The following FERMT3 variants were observed in gnomAD, a reference collection of about 807,000 sequenced individuals.
FERMT3 encodes the protein FERM domain containing kindlin 3.
FERMT3 carries 33 observed loss-of-function variants against 80.8 expected under a neutral mutation model. The observed-to-expected ratio is 0.41, with a 90% CI of 0.31 to 0.55. FERMT3 has a LOEUF of 0.55. FERMT3 is among the 20% of genes least tolerant of loss of function. FERMT3 has a pLI of 0.31. For missense variants in FERMT3, 754 were observed against 908.7 expected (o/e 0.83, Z 2.19); for synonymous variants, 375 against 372.2 (o/e 1.01, Z -0.09).
rs1946648400 is a variant in FERMT3, at chr11:64,220,214, C to T, written c.1205-6C>T. 2 of 1,613,614 alleles carry T rather than the reference C, an allele frequency of 1.2e-6. No individual in the cohort carries two copies. Among genetic ancestry groups the T allele is most frequent in the East Asian group, 2.2e-5 (1 of 44,882 alleles). ...ACCTCCTAGACCACCCCTTCTCTCC[C>T]TCCAGGCTGTGAGGTGGTTCCCGAT... is the stretch of plus-strand genomic sequence containing the variant. On this transcript the variant is annotated splice_polypyrimidine_tract_variant and splice_region_variant and intron_variant, in intron 10 of 14. Coordinates refer to ENST00000345728, the MANE Select transcript of FERMT3 (RefSeq NM_031471.6).
rs755793484 is a variant in FERMT3 at position 64,220,333 on chromosome 11, G to A, written c.1311+7G>A. 18 of 1,613,150 alleles carry A rather than the reference G, an allele frequency of 1.1e-5. No individual in the cohort carries two copies. In the East Asian group the frequency reaches 2.2e-4, roughly 20 times the overall value. On this transcript the variant is annotated splice_region_variant and intron_variant, in intron 11 of 14. Coordinates refer to ENST00000345728, the MANE Select transcript of FERMT3 (RefSeq NM_031471.6). ...CTACCTGCGGTGCCAGGATGTGAGT[G>A]AGGGCTGGGCAGGGGCCAGGGCCGG...
Position 64,210,547 on chromosome 11 carries a change from T to G in FERMT3, c.161-64T>G. ...GCCCCAGGCTTCTGAATCCTGGGGT[T>G]GTGCTGGGTGTTGGGGGCACCAGGG... On this transcript the variant is annotated intron_variant, in intron 2 of 14. Transcript: ENST00000345728. This position sits in a 1 kb window ranked among gnomAD's most constrained non-coding sequence, Gnocchi z 4.3. The G allele has an allele frequency of 6.6e-7, 1 of 1,517,164 alleles. No individual in the cohort carries two copies. Among genetic ancestry groups the G allele is most frequent in the Non-Finnish European group, 9.1e-7 (1 of 1,094,244 alleles). The allele number at this position is 1,517,164 out of a possible 1,614,324, so 94.0% of individuals were successfully genotyped here. A position where few individuals can be genotyped will look rare whatever the true frequency, so the allele number is the denominator to read the frequency against.
In FERMT3 at chr11:64,211,669, C is replaced by T. The variant is rs749769689; in HGVS notation, c.708C>T (p.Leu236=). The T allele has an allele frequency of 2.5e-6, 4 of 1,614,034 alleles. No individual in the cohort carries two copies. In the African/African-American group the frequency reaches 4.0e-5, roughly 16 times the overall value. The part of the protein sequence containing the change: ...HSRWLDSSRC[L]MQQGIKAGDA... ...GGTGGCTGGACTCGTCGCGGTGTCT[C>T]ATGCAGCAGGGCATCAAGGCCGGGG... Residue 236 remains leucine, a synonymous_variant, in exon 6 of 15, where the codon CTC becomes CTT. Transcript: ENST00000345728. The surrounding 1 kb of genome is among the most constrained non-coding windows in gnomAD (Gnocchi z 4.7).
In FERMT3 at chr11:64,211,871, C is replaced by A; in HGVS notation, c.786+124C>A. ...CTGTCCGTCTGCCCGTTTGTCCATC[C>A]ACACCTTTGTTTACTGACCCCACAA... is the stretch of plus-strand genomic sequence containing the variant. On this transcript the variant is annotated intron_variant, in intron 6 of 14. Transcript: ENST00000345728. The surrounding 1 kb of genome is among the most constrained non-coding windows in gnomAD (Gnocchi z 4.7). 1.1e-6 allele frequency: 1 copy of A among 928,636 alleles called. No homozygotes were observed. Among genetic ancestry groups the A allele is most frequent in the Non-Finnish European group, 1.7e-6 (1 of 584,964 alleles). The allele number at this position is 928,636 out of a possible 1,614,324, so 57.5% of individuals were successfully genotyped here.
At chr11:64,207,876 G>A (rs1351635953) in intron 2 of FERMT3, 4 of 207,592 alleles carry the variant, frequency 1.9e-5, no homozygotes, top group Non-Finnish European at 3.9e-5. Context: ...CTGCCCCCAC[G>A]CTCCCTCCCC....
rs773751249 is a variant in FERMT3, at chr11:64,219,680, G to A, written c.1029+22G>A. On this transcript the variant is annotated intron_variant, in intron 8 of 14. Coordinates refer to ENST00000345728, the MANE Select transcript of FERMT3 (RefSeq NM_031471.6). This position sits in a 1 kb window ranked among gnomAD's most constrained non-coding sequence, Gnocchi z 4.0. ...GCTGGTGAGGAGGGGCTCAGGGCAG[G>A]GGCTGGGCAGGGAGAACTGTGAGGT... 2.5e-6 allele frequency: 4 copies of A among 1,613,872 alleles called. No individual in the cohort carries two copies. The highest frequency in any genetic ancestry group is 3.4e-6 in the Non-Finnish European group (4 of 1,180,000).
At chr11:64,221,280 C>A in intron 13 of FERMT3, 140 bp downstream of exon 13, 1 of 813,016 alleles carries the variant, frequency 1.2e-6, no homozygotes. Context: ...GTAAGCAGGC[C>A]TTACTGAGGG....
intron 6 of FERMT3, among the ~76,000 whole-genome samples, chr11:64,218,063 G>A (rs1311357953): frequency 6.7e-6 from 1 of 148,894 alleles, no homozygotes; most frequent in Non-Finnish European, 1.5e-5. Context: ...GAGTGCAGTG[G>A]CACGATCTCG....
chr11:64,223,222 A>G (rs780077956), intron 14 of FERMT3, 33 bp downstream of exon 14: 1 of 1,613,394 alleles, frequency 6.2e-7, no homozygotes, highest in Admixed American at 1.7e-5. Flanking sequence ...TGGATGGGGG[A>G]CAGGTGCAGG....
chr11:64,223,324 G>A lies in FERMT3; in HGVS notation c.1824G>A (p.Glu608=). The change falls in exon 15 of 15, where the codon GAG becomes GAA. Residue 608 remains glutamate (E), a synonymous_variant. Coordinates refer to ENST00000345728, the MANE Select transcript of FERMT3 (RefSeq NM_031471.6). ...VNWDIRQVAI[E]FDEHINVAFS... ...TGTCTGCCCTTCAGGTGGCCATCGA[G>A]TTTGATGAACACATCAATGTGGCCT... 6.2e-7 allele frequency: 1 copy of A among 1,614,048 alleles called. No individual in the cohort carries two copies. The highest frequency in any genetic ancestry group is 2.2e-5 in the East Asian group (1 of 44,888).
intron 6 of FERMT3, among the ~76,000 whole-genome samples, chr11:64,212,720 G>A (rs1312302632): frequency 6.6e-6 from 1 of 151,686 alleles, no homozygotes; most frequent in Non-Finnish European, 1.5e-5. Context: ...ATGGCCTCTC[G>A]GTGTTGGTGA....
chr11:64,217,643 C>T lies in FERMT3; in HGVS notation c.787-1608C>T, dbSNP rs182514450. ...AAATGCAGGGGTGCATCTGGCTCAGCATCTCCAGAGAGTGAGTCCCAGCTT... is the reference window on the plus strand; with the variant it reads ...AAATGCAGGGGTGCATCTGGCTCAGTATCTCCAGAGAGTGAGTCCCAGCTT... On this transcript the variant is annotated intron_variant, in intron 6 of 14. Coordinates refer to ENST00000345728, the MANE Select transcript of FERMT3 (RefSeq NM_031471.6). Among the ~76,000 whole-genome samples, 26 of 152,334 alleles carry T rather than the reference C, an allele frequency of 1.7e-4. No homozygotes were observed. The East Asian group carries it at 3.3e-3, about 19-fold the overall frequency.
intron 13 of FERMT3, among the ~76,000 whole-genome samples, chr11:64,221,914 G>A (rs565380576): frequency 6.6e-6 from 1 of 151,490 alleles, no homozygotes; most frequent in East Asian, 1.9e-4. Flanking sequence ...GTGACAGAGC[G>A]AAACTCTGCC....
At chr11:64,207,678 A>C in intron 2 of FERMT3, 154 bp downstream of exon 2, 6 of 927,912 alleles carry the variant, frequency 6.5e-6, no homozygotes, top group South Asian at 3.7e-5. Flanking sequence ...CAAAAAAGAC[A>C]TTTCCCCAAC....
Position 64,207,520 on chromosome 11 carries a change from G to C in FERMT3, c.156G>C (p.Gln52His), listed in dbSNP as rs751379709. 2 of 1,604,516 alleles carry C rather than the reference G, an allele frequency of 1.2e-6. No homozygotes were observed. Among genetic ancestry groups the C allele is most frequent in the South Asian group, 2.2e-5 (2 of 90,536 alleles). Reference sequence around the variant, plus strand: ...GGGTGCTCCTGAAGATTGTGGAGCAGATCAGTGAGTGTCCGCTGCCCGCTT... The same window carrying C: ...GGGTGCTCCTGAAGATTGTGGAGCACATCAGTGAGTGTCCGCTGCCCGCTT... ...IGGVLLKIVEQINRKQDWSDH... is the reference protein window; with the variant it reads ...IGGVLLKIVEHINRKQDWSDH... The change falls in exon 2 of 15, where the codon CAG becomes CAC. Residue 52 changes from glutamine (Q) to histidine (H), a missense_variant. Coordinates refer to ENST00000345728, the MANE Select transcript of FERMT3 (RefSeq NM_031471.6).
Position 64,223,377 on chromosome 11 carries a change from T to C in FERMT3, c.1877T>C (p.Ile626Thr). The C allele has an allele frequency of 1.2e-6, 2 of 1,614,062 alleles. No individual in the cohort carries two copies. Among genetic ancestry groups the C allele is most frequent in the Non-Finnish European group, 1.7e-6 (2 of 1,180,044 alleles). ...AGCTGCGTGTCTGCCAGCTGCCGAA[T>C]TGTACACGAGTATATCGGGGGCTAC... ...AFSCVSASCR[I>T]VHEYIGGYIF... Residue 626 changes from isoleucine to threonine, a missense_variant, in exon 15 of 15, where the codon ATT (isoleucine) becomes ACT (threonine). Transcript: ENST00000345728.
chr11:64,206,267 G>A (rs1364375662), upstream of FERMT3, among the ~76,000 whole-genome samples: 1 of 152,162 alleles, frequency 6.6e-6, no homozygotes, highest in Non-Finnish European at 1.5e-5. Flanking sequence ...TTTCCCTCTG[G>A]GGCCTTGAGG....
chr11:64,214,627 G>A (rs529870533), intron 6 of FERMT3, among the ~76,000 whole-genome samples: 14 of 151,662 alleles, frequency 9.2e-5, no homozygotes, highest in Admixed American at 2.0e-4. Flanking sequence ...GATTACAGGC[G>A]TGAGCCACCA....
chr11:64,218,816 A>G (rs530122546), intron 6 of FERMT3, among the ~76,000 whole-genome samples: 15 of 152,020 alleles, frequency 9.9e-5, no homozygotes, highest in Non-Finnish European at 1.6e-4. Context: ...TCACCTCCTC[A>G]GGGAAGCCTT....
Sources: gnomAD v4.1 joint callset for allele counts (sites outside exome capture counted in the v4.1 genomes callset) on GRCh38, gnomAD v4.1.1 for gene constraint, Gnocchi (gnomAD v3.1) non-coding constraint, MANE v1.5 for transcripts, NCBI Gene and HGNC (gene_info 2026-07-23, HGNC 2026-07-21) for gene names.